Variants in QDPR observed in about 807,000 individuals in gnomAD.
QDPR encodes the protein quinoid dihydropteridine reductase.
In QDPR, 23 loss-of-function variants were observed where a neutral mutation model predicts 31.7. The ratio of observed to expected loss-of-function variants is 0.73; its 90% CI spans 0.52 to 1.03. QDPR has a LOEUF of 1.03. QDPR is among the 50% of genes least tolerant of loss of function. The pLI is 0.00. For synonymous variants in QDPR, 124 were observed against 124.7 expected (o/e 0.99, Z 0.03); for missense variants, 324 against 323.8 (o/e 1.00, Z 0.00).
chr4:17,496,842 C>T (rs996187551), intron 4 of QDPR, among the ~76,000 whole-genome samples: 5 of 152,016 alleles, frequency 3.3e-5, no homozygotes, highest in African/African-American at 7.3e-5. Context: ...CTGCAACCAC[C>T]GCCTCCCAGG....
chr4:17,492,341 C>T lies in QDPR; in HGVS notation c.437-1G>A. 1 of 1,613,790 alleles carries T rather than the reference C, an allele frequency of 6.2e-7. No homozygotes were observed. Among genetic ancestry groups the T allele is most frequent in the Non-Finnish European group, 8.5e-7 (1 of 1,179,682 alleles). On this transcript the variant is annotated splice_acceptor_variant, in intron 4 of 6. Transcript: ENST00000281243. LOFTEE classifies it high-confidence loss of function. ...TTGGCCATGCCGTACCCGATCATAC[C>T]TGGGAAATGGGGAGAAGATGGCTCA...
chr4:17,509,732 AAAAG>A (rs1472457973), intron 1 of QDPR, among the ~76,000 whole-genome samples: 2 of 152,194 alleles, frequency 1.3e-5, no homozygotes, highest in Non-Finnish European at 2.9e-5. Flanking sequence ...AAGAAAAAGA[AAAAG>A]AAAGAAAAAT....
rs1303472425 is a variant in QDPR, at chr4:17,509,311, A to G, written c.158T>C (p.Ile53Thr). 1.2e-6 allele frequency: 2 copies of G among 1,614,088 alleles called. No homozygotes were observed. Among genetic ancestry groups the G allele is most frequent in the Admixed American group, 1.7e-5 (1 of 60,022 alleles). ...VENEEASASIIVKMTDSFTEQ... is the reference protein window; with the variant it reads ...VENEEASASITVKMTDSFTEQ... ...AGTGAACGAGTCTGTCATTTTAACAATGATGCTAGCGCTGGCCTCTTCATT... is the reference window on the plus strand; with the variant it reads ...AGTGAACGAGTCTGTCATTTTAACAGTGATGCTAGCGCTGGCCTCTTCATT... Residue 53 changes from isoleucine to threonine, a missense_variant, in exon 2 of 7, where the codon ATT becomes ACT. By Grantham distance (89) the Ile-to-Thr change is moderately conservative. Transcript: ENST00000281243.
At chr4:17,489,763 G>A (rs895120552) in intron 6 of QDPR, among the ~76,000 whole-genome samples, 7 of 152,144 alleles carry the variant, frequency 4.6e-5, no homozygotes, top group African/African-American at 1.4e-4. Context: ...AACATAAAAC[G>A]CAAGTCCCAA....
At chr4:17,495,932 C>T (rs1211901141) in intron 4 of QDPR, among the ~76,000 whole-genome samples, 1 of 151,868 alleles carries the variant, frequency 6.6e-6, no homozygotes, top group East Asian at 1.9e-4. Context: ...CGGCTGGAGC[C>T]CCCGGGAGGT....
intron 5 of QDPR, 76 bp downstream of exon 5, chr4:17,492,156 A>C: frequency 7.8e-7 from 1 of 1,279,212 alleles, no homozygotes; most frequent in Non-Finnish European, 1.1e-6. Context: ...GCCTGTGGAA[A>C]GCTACAGTCA....
At chr4:17,495,166 T>C (rs144374864) in intron 4 of QDPR, among the ~76,000 whole-genome samples, 41 of 152,278 alleles carry the variant, frequency 2.7e-4, no homozygotes, top group African/African-American at 9.1e-4. Context: ...TTTCCTTCCT[T>C]ATCAGCAGTG....
In QDPR at chr4:17,497,199, G is replaced by C. The variant is rs1363503516; in HGVS notation, c.436+4520C>G. Among the ~76,000 whole-genome samples the C allele has an allele frequency of 3.9e-5, 6 of 152,174 alleles. 1 individual carries two copies. The South Asian group carries it at 1.2e-3, about 32-fold the overall frequency. On this transcript the variant is annotated intron_variant, in intron 4 of 6. Transcript: ENST00000281243. Reference sequence around the variant, plus strand: ...AGAGATCAGCGGTGTGAGTAGGAGAGAGTCTTCCTATTCATTGTGTTTCTT... The same window carrying C: ...AGAGATCAGCGGTGTGAGTAGGAGACAGTCTTCCTATTCATTGTGTTTCTT...
chr4:17,495,939 A>G (rs1718335528), intron 4 of QDPR, among the ~76,000 whole-genome samples: 1 of 152,024 alleles, frequency 6.6e-6, no homozygotes, highest in Admixed American at 6.5e-5. Flanking sequence ...AGCCCCCGGG[A>G]GGTCGAGGCT....
intron 4 of QDPR, among the ~76,000 whole-genome samples, chr4:17,493,309 C>A (rs539760682): frequency 1.3e-5 from 2 of 152,148 alleles, no homozygotes; most frequent in African/African-American, 4.8e-5. Flanking sequence ...CTGGTACATG[C>A]CTGTGGTCCC....
At chr4:17,492,660 G>A (rs1238624524) in intron 4 of QDPR, 5 of 394,222 alleles carry the variant, frequency 1.3e-5, no homozygotes, top group Non-Finnish European at 2.3e-5. Context: ...AAAGATAAAT[G>A]AACATTTATG....
At chr4:17,501,579 A>C (rs1169504685) in intron 4 of QDPR, 140 bp downstream of exon 4, 14 of 1,040,722 alleles carry the variant, frequency 1.3e-5, no homozygotes. Flanking sequence ...ATTCAGGCCC[A>C]AAAGAAGACA....
At chr4:17,509,191 G>A (rs1718904825) in intron 2 of QDPR, 80 bp downstream of exon 2, 6 of 1,115,486 alleles carry the variant, frequency 5.4e-6, no homozygotes, top group African/African-American at 1.5e-5. Flanking sequence ...AGAACATACA[G>A]CCAAAGGAAG....
At chr4:17,500,907 T>C (rs1162726405) in intron 4 of QDPR, among the ~76,000 whole-genome samples, 1 of 152,140 alleles carries the variant, frequency 6.6e-6, no homozygotes, top group Non-Finnish European at 1.5e-5. Flanking sequence ...AAAGATAATA[T>C]TGATGAGATT....
intron 4 of QDPR, 170 bp from the exon 5 acceptor site, chr4:17,492,510 G>A: frequency 1.6e-6 from 1 of 643,120 alleles, no homozygotes; most frequent in Non-Finnish European, 2.8e-6. Flanking sequence ...AAATGGCAGA[G>A]AGCCACGAGA....
At chr4:17,492,831 C>T (rs1404399010) in intron 4 of QDPR, among the ~76,000 whole-genome samples, 1 of 152,140 alleles carries the variant, frequency 6.6e-6, no homozygotes, top group Non-Finnish European at 1.5e-5. Flanking sequence ...CAGACTTGTG[C>T]CAAAGCTGAT....
chr4:17,506,868 A>T (rs1577194532), intron 2 of QDPR, among the ~76,000 whole-genome samples: 2 of 152,246 alleles, frequency 1.3e-5, no homozygotes, highest in African/African-American at 4.8e-5. Context: ...TGTCAAACTG[A>T]CACTTTAGAA....
At chr4:17,509,440 G>T in intron 1 of QDPR, 77 bp from the exon 2 acceptor site, 1 of 1,318,814 alleles carries the variant, frequency 7.6e-7, no homozygotes, top group South Asian at 1.2e-5. Context: ...GAAATGAGGG[G>T]AGTTGGCCAG....
At chr4:17,494,468 G>C (rs910727594) in intron 4 of QDPR, among the ~76,000 whole-genome samples, 9 of 152,188 alleles carry the variant, frequency 5.9e-5, no homozygotes, top group African/African-American at 2.2e-4. Context: ...CACTGCATCT[G>C]TGCCACTGGG....
Sources: gnomAD v4.1 joint callset for allele counts (sites outside exome capture counted in the v4.1 genomes callset) on GRCh38, gnomAD v4.1.1 for gene constraint, MANE v1.5 for transcripts, NCBI Gene and HGNC (gene_info 2026-07-23, HGNC 2026-07-21) for gene names.